Variants in DYNC2H1 observed in about 807,000 individuals in gnomAD.
DYNC2H1 encodes the protein dynein cytoplasmic 2 heavy chain 1, also known as cytoplasmic dynein 2 heavy chain 1.
DYNC2H1 carries 410 observed loss-of-function variants against 570.0 expected under a neutral mutation model. That is an observed-to-expected ratio of 0.72 (90% confidence interval 0.66 to 0.78). DYNC2H1 has a LOEUF of 0.78. Ranked by LOEUF, DYNC2H1 falls within the 30% of genes least tolerant of loss-of-function variation. The pLI, the probability that DYNC2H1 is intolerant of heterozygous loss-of-function variation, is 0.00. For missense variants in DYNC2H1, 4,865 were observed against 5,046.4 expected (o/e 0.96, Z 1.09); for synonymous variants, 1,688 against 1,677.6 (o/e 1.01, Z -0.15).
At chr11:103,274,459 TTTA>T (rs1865831720) in intron 70 of DYNC2H1, among the ~76,000 whole-genome samples, 1 of 152,140 alleles carries the variant, frequency 6.6e-6, no homozygotes, top group Non-Finnish European at 1.5e-5. Flanking sequence ...AATTAATACA[TTTA>T]TTGTCTTATT....
At chr11:103,338,183 A>G (rs1939251399) in intron 82 of DYNC2H1, among the ~76,000 whole-genome samples, 5 of 151,874 alleles carry the variant, frequency 3.3e-5, no homozygotes, top group African/African-American at 1.2e-4. Context: ...GTTGGTTGTA[A>G]ATGTGTGGAT....
intron 88 of DYNC2H1, among the ~76,000 whole-genome samples, chr11:103,478,637 G>C (rs1343427653): frequency 6.6e-6 from 1 of 152,088 alleles, no homozygotes; most frequent in Non-Finnish European, 1.5e-5. Flanking sequence ...GAAAAGAGGA[G>C]GAAAAGCTTA....
chr11:103,273,990 G>A (rs1203456253), intron 70 of DYNC2H1, among the ~76,000 whole-genome samples: 2 of 152,206 alleles, frequency 1.3e-5, no homozygotes, highest in East Asian at 3.9e-4. Flanking sequence ...ACTGACTCCA[G>A]TGGATAATCT....
At chr11:103,215,290 A>T (rs997796637) in intron 54 of DYNC2H1, among the ~76,000 whole-genome samples, 1 of 152,050 alleles carries the variant, frequency 6.6e-6, no homozygotes, top group African/African-American at 2.4e-5. Context: ...AGGGTTTGTC[A>T]TTTTTGGACT....
chr11:103,130,114 A>G (rs1009400825), intron 13 of DYNC2H1, among the ~76,000 whole-genome samples: 1 of 152,206 alleles, frequency 6.6e-6, no homozygotes, highest in African/African-American at 2.4e-5. Context: ...ACAAATTGTA[A>G]CACGTGAAAT....
intron 84 of DYNC2H1, among the ~76,000 whole-genome samples, chr11:103,400,539 T>C (rs1022729908): frequency 6.6e-6 from 1 of 152,238 alleles, no homozygotes; most frequent in African/African-American, 2.4e-5. Flanking sequence ...ATCTATTTGA[T>C]AGAAACAAAA....
chr11:103,211,825 A>G lies in DYNC2H1; in HGVS notation c.8576A>G (p.His2859Arg). The G allele has an allele frequency of 1.4e-6, 2 of 1,426,370 alleles. No individual in the cohort carries two copies. Among genetic ancestry groups the G allele is most frequent in the Non-Finnish European group, 9.2e-7 (1 of 1,084,990 alleles). 88.4% of individuals were successfully genotyped at this position (1,426,370 alleles called of 1,614,324 possible). Residue 2859 changes from histidine (H) to arginine (R), a missense_variant, in exon 54 of 89, where the codon CAT becomes CGT. By Grantham distance (29) the His-to-Arg change is conservative. Coordinates refer to ENST00000375735, the MANE Select transcript of DYNC2H1 (RefSeq NM_001377.3). Reference protein sequence around the residue: ...PDFLKSFLLIHESCKAYGATP... With the variant: ...PDFLKSFLLIRESCKAYGATP... ...TTTCTAAAATCATTTTTATTAATCC[A>G]TGAATCTTGTAAAGCATATGGTGCT...
intron 17 of DYNC2H1, among the ~76,000 whole-genome samples, chr11:103,137,618 T>A (rs1190351500): frequency 1.3e-5 from 2 of 152,178 alleles, no homozygotes; most frequent in Non-Finnish European, 2.9e-5. Context: ...CATGTTGTTT[T>A]GGTTACTGTA....
intron 78 of DYNC2H1, among the ~76,000 whole-genome samples, chr11:103,310,526 G>A (rs536243779): frequency 2.4e-4 from 36 of 151,812 alleles, no homozygotes; most frequent in African/African-American, 8.0e-4. Context: ...TGGTTGTTTG[G>A]TTTCCTATTA....
intron 11 of DYNC2H1, among the ~76,000 whole-genome samples, chr11:103,123,994 A>C (rs1017503483): frequency 6.6e-6 from 1 of 152,138 alleles, no homozygotes; most frequent in African/African-American, 2.4e-5. Context: ...TATATAGGAA[A>C]ATTTGGGCTA....
At chr11:103,397,386 A>G (rs377136055) in intron 83 of DYNC2H1, among the ~76,000 whole-genome samples, 12 of 152,322 alleles carry the variant, frequency 7.9e-5, no homozygotes, top group African/African-American at 2.4e-4. Context: ...AGCATACTGC[A>G]TAGTCGTTGT....
intron 83 of DYNC2H1, among the ~76,000 whole-genome samples, chr11:103,391,653 G>C (rs578045479): frequency 9.1e-4 from 138 of 152,294 alleles, no homozygotes; most frequent in Middle Eastern, 6.8e-3. Flanking sequence ...CTTTGATGAT[G>C]GTGATGTACA....
rs754330217 is a variant in DYNC2H1 at position 103,319,946 on chromosome 11, T to C, written c.11726-1083T>C. ...TATTCTTCCACTATATAGGTCCCCTTATCCTGCAGGAGGCAACCTAAATCC... is the reference window on the plus strand; with the variant it reads ...TATTCTTCCACTATATAGGTCCCCTCATCCTGCAGGAGGCAACCTAAATCC... On this transcript the variant is annotated intron_variant, in intron 80 of 88. Coordinates refer to ENST00000375735, the MANE Select transcript of DYNC2H1 (RefSeq NM_001377.3). This position sits in a 1 kb window ranked among gnomAD's most constrained non-coding sequence, Gnocchi z 4.3. 1.3e-5 allele frequency among the ~76,000 whole-genome samples: 2 copies of C among 152,180 alleles called. No individual in the cohort carries two copies. The highest frequency in any genetic ancestry group is 2.9e-5 in the Non-Finnish European group (2 of 68,016).
At chr11:103,211,600 A>G (rs1410760618) in intron 53 of DYNC2H1, among the ~76,000 whole-genome samples, 189 bp from the exon 54 acceptor site, 2 of 152,130 alleles carry the variant, frequency 1.3e-5, no homozygotes. Context: ...CAAAATTCCT[A>G]AGGAAGATGG....
chr11:103,321,034 A>C lies in DYNC2H1; in HGVS notation c.11731A>C (p.Lys3911Gln). 6.2e-7 allele frequency: 1 copy of C among 1,605,540 alleles called. No homozygotes were observed. ...NIIDRLFDGA[K>Q]DVQWEFVHGL... ...GTGTTTTTTTAAAATTATAGGTGCC[A>C]AAGATGTACAATGGGAATTTGTACA... The change falls in exon 81 of 89, where the codon AAA becomes CAA. Residue 3911 changes from lysine to glutamine, a missense_variant. Lys to Gln is a moderately conservative substitution (Grantham distance 53, BLOSUM62 1). This residue lies in a region of DYNC2H1 where 2,401 missense variants were observed against 2,454.6 expected (regional missense o/e 0.98). Transcript: ENST00000375735.
intron 65 of DYNC2H1, among the ~76,000 whole-genome samples, chr11:103,250,492 C>T (rs549755369): frequency 2.0e-5 from 3 of 152,152 alleles, no homozygotes; most frequent in South Asian, 4.1e-4. Flanking sequence ...TTTTAGCCTG[C>T]GATCCCCCCT....
chr11:103,304,653 G>C lies in DYNC2H1; in HGVS notation c.11315G>C (p.Arg3772Pro), dbSNP rs371973761. 2 of 1,613,174 alleles carry C rather than the reference G, an allele frequency of 1.2e-6. No homozygotes were observed. The highest frequency in any genetic ancestry group is 1.7e-6 in the Non-Finnish European group (2 of 1,179,458). Residue 3772 changes from arginine to proline, a missense_variant, in exon 77 of 89, where the codon CGC becomes CCC. Coordinates refer to ENST00000375735, the MANE Select transcript of DYNC2H1 (RefSeq NM_001377.3). Reference sequence around the variant, plus strand: ...ATTCAAATGCTAAAAGAATGTGCCCGCAATGGAGACTGGCTCTGTTTGAAG... The same window carrying C: ...ATTCAAATGCTAAAAGAATGTGCCCCCAATGGAGACTGGCTCTGTTTGAAG... Reference protein sequence around the residue: ...LAIQMLKECARNGDWLCLKNL... With the variant: ...LAIQMLKECAPNGDWLCLKNL...
At position 103,472,095 on chromosome 11, in the gene DYNC2H1, G is replaced by A. The variant is rs867674143; in HGVS notation, c.12765+3390G>A. Among the ~76,000 whole-genome samples, 2 of 152,316 alleles carry A rather than the reference G, an allele frequency of 1.3e-5. No homozygotes were observed. Among genetic ancestry groups the A allele is most frequent in the Non-Finnish European group, 1.5e-5 (1 of 68,024 alleles). On this transcript the variant is annotated intron_variant, in intron 88 of 88. Coordinates refer to ENST00000375735, the MANE Select transcript of DYNC2H1 (RefSeq NM_001377.3). The surrounding 1 kb of genome is among the most constrained non-coding windows in gnomAD (Gnocchi z 4.1). ...GGATATTCTGGGAACAGCAAGTATT[G>A]TACATCTGGAGGGTATAGTTCATAT...
intron 17 of DYNC2H1, among the ~76,000 whole-genome samples, chr11:103,138,438 G>C (rs893965325): frequency 2.0e-5 from 3 of 152,148 alleles, no homozygotes; most frequent in Non-Finnish European, 4.4e-5. Context: ...GTTGAATTTT[G>C]TCAAAGGCCT....
Sources: gnomAD v4.1 joint callset for allele counts (sites outside exome capture counted in the v4.1 genomes callset) on GRCh38, gnomAD v4.1.1 for gene constraint, gnomAD v4.1.1 regional missense constraint, Gnocchi (gnomAD v3.1) non-coding constraint, MANE v1.5 for transcripts, NCBI Gene and HGNC (gene_info 2026-07-23, HGNC 2026-07-21) for gene names.